Variants in TDRD12 observed in about 807,000 individuals in gnomAD.
The protein encoded by TDRD12 is putative ATP-dependent RNA helicase TDRD12.
TDRD12 carries 158 observed loss-of-function variants against 133.5 expected under a neutral mutation model. The ratio of observed to expected loss-of-function variants is 1.18; its 90% CI spans 1.04 to 1.35. The LOEUF (loss-of-function observed/expected upper bound fraction) is 1.35, where lower values mean the gene tolerates loss of function less well. TDRD12 is among the 40% of genes most tolerant of loss of function. TDRD12 has a pLI of 0.00. For missense variants in TDRD12, 1,443 were observed against 1,321.3 expected, an observed-to-expected ratio of 1.09 and a Z score of -1.43; for synonymous variants, 460 against 477.9, an observed-to-expected ratio of 0.96 and a Z score of 0.49.
chr19:32,731,849 T>C, exon 2 of TDRD12: 2 of 1,549,446 alleles, frequency 1.3e-6, no homozygotes, highest in Non-Finnish European at 1.7e-6. Context: ...TGTCAAGATA[T>C]AGAAATAAAA....
At chr19:32,773,322 A>C in intron 9 of TDRD12, 134 bp from the exon 10 acceptor site, 3 of 766,276 alleles carry the variant, frequency 3.9e-6, no homozygotes, top group Middle Eastern at 3.0e-4. Context: ...TTATCTCTCT[A>C]TCTCTGTGTG....
chr19:32,810,395 G>A, intron 23 of TDRD12, 118 bp downstream of exon 23: 2 of 822,578 alleles, frequency 2.4e-6, no homozygotes, highest in Non-Finnish European at 3.6e-6. Flanking sequence ...CCTGGTGACA[G>A]CGGGGTGTCC....
intron 2 of TDRD12, among the ~76,000 whole-genome samples, chr19:32,735,780 G>C (rs1184014594): frequency 6.6e-6 from 1 of 151,924 alleles, no homozygotes; most frequent in Non-Finnish European, 1.5e-5. Flanking sequence ...GACCAGCCTG[G>C]CCAACATGGT....
intron 4 of TDRD12, among the ~76,000 whole-genome samples, chr19:32,745,980 TTC>T (rs1223592768): frequency 1.2e-4 from 13 of 106,362 alleles, no homozygotes; most frequent in Middle Eastern, 5.6e-3. Context: ...GATGTGGTCA[TTC>T]TGTGTGTGTG....
At chr19:32,765,181 A>G (rs1470081553) in intron 8 of TDRD12, among the ~76,000 whole-genome samples, 1 of 152,232 alleles carries the variant, frequency 6.6e-6, no homozygotes, top group Admixed American at 6.5e-5. Context: ...AATCAAAACC[A>G]CAATGAGATA....
At chr19:32,806,535 G>A (rs1443079520) in intron 21 of TDRD12, among the ~76,000 whole-genome samples, 2 of 151,744 alleles carry the variant, frequency 1.3e-5, no homozygotes, top group South Asian at 2.1e-4. Context: ...TAGAGATGGG[G>A]TTCGCCATGT....
At chr19:32,800,343 T>C (rs1971350831) in exon 17 of TDRD12, 1 of 1,517,788 alleles carries the variant, frequency 6.6e-7, no homozygotes, top group Non-Finnish European at 8.8e-7. Context: ...CTGCTCTCTA[T>C]GGCAATGTCC....
chr19:32,760,355 A>G (rs149827830), intron 8 of TDRD12, among the ~76,000 whole-genome samples: 3 of 152,240 alleles, frequency 2.0e-5, no homozygotes, highest in East Asian at 1.9e-4. Context: ...CCTTTCCTTT[A>G]ATTATTGTGA....
chr19:32,802,658 C>G, exon 20 of TDRD12: 5 of 1,536,004 alleles, frequency 3.3e-6, no homozygotes, highest in Non-Finnish European at 4.4e-6. Flanking sequence ...CTCTGCAGCC[C>G]TCACAGACGA....
At chr19:32,792,358 A>C (rs1971097221) in intron 13 of TDRD12, among the ~76,000 whole-genome samples, 2 of 152,170 alleles carry the variant, frequency 1.3e-5, no homozygotes, top group Non-Finnish European at 2.9e-5. Flanking sequence ...GAGAGAAGAC[A>C]TTGCATCTCT....
chr19:32,766,988 C>T (rs1009015326), intron 8 of TDRD12, among the ~76,000 whole-genome samples: 10 of 152,102 alleles, frequency 6.6e-5, no homozygotes, highest in African/African-American at 2.2e-4. Context: ...TTCTCATAGT[C>T]TACCTTCAAG....
intron 8 of TDRD12, among the ~76,000 whole-genome samples, chr19:32,769,919 AG>A (rs1970400025): frequency 6.6e-6 from 1 of 151,932 alleles, no homozygotes; most frequent in Admixed American, 6.6e-5. Flanking sequence ...TATAGGCATG[AG>A]CCACTGTGCC....
chr19:32,776,172 C>T (rs962272276), intron 10 of TDRD12, among the ~76,000 whole-genome samples: 4 of 152,196 alleles, frequency 2.6e-5, no homozygotes, highest in Non-Finnish European at 5.9e-5. Context: ...GCCTCCTTCC[C>T]CGTATTCCTC....
chr19:32,759,521 C>T (rs914006972), intron 8 of TDRD12, among the ~76,000 whole-genome samples: 2 of 151,868 alleles, frequency 1.3e-5, no homozygotes, highest in Admixed American at 6.6e-5. Flanking sequence ...AAGGAGGCTG[C>T]GGCAGGAGAA....
intron 9 of TDRD12, among the ~76,000 whole-genome samples, 186 bp from the exon 10 acceptor site, chr19:32,773,270 A>G (rs1970487633): frequency 6.6e-6 from 1 of 152,202 alleles, no homozygotes; most frequent in Non-Finnish European, 1.5e-5. Flanking sequence ...CATTTAATGT[A>G]GTGGTTATAG....
intron 14 of TDRD12, among the ~76,000 whole-genome samples, chr19:32,796,905 T>C (rs1971244135): frequency 6.6e-6 from 1 of 151,854 alleles, no homozygotes; most frequent in African/African-American, 2.4e-5. Context: ...TGGCAGGCAG[T>C]GCAGCTTCAG....
intron 11 of TDRD12, among the ~76,000 whole-genome samples, chr19:32,788,036 A>G (rs947086980): frequency 6.6e-6 from 1 of 151,992 alleles, no homozygotes; most frequent in Admixed American, 6.6e-5. Context: ...GCTGAGAGCT[A>G]TAGACTGGAG....
At chr19:32,772,387 G>A (rs1363771672) in intron 8 of TDRD12, among the ~76,000 whole-genome samples, 2 of 152,158 alleles carry the variant, frequency 1.3e-5, no homozygotes, top group Non-Finnish European at 2.9e-5. Flanking sequence ...CACAGGAAAG[G>A]ATCATAGAGC....
chr19:32,777,077 G>T, intron 10 of TDRD12, 72 bp from the exon 11 acceptor site: 1 of 945,218 alleles, frequency 1.1e-6, no homozygotes, highest in Non-Finnish European at 1.6e-6. Flanking sequence ...TATTTTTGTC[G>T]AGATGGGGAC....
Sources: allele counts gnomAD v4.1 joint callset (sites outside exome capture counted in the v4.1 genomes callset), GRCh38; gene constraint gnomAD v4.1.1; transcripts MANE v1.5; gene names NCBI Gene and HGNC (gene_info 2026-07-23, HGNC 2026-07-21).